FERMT1: variants seen among roughly 807,000 people sequenced by gnomAD.
The protein encoded by FERMT1 is fermitin family homolog 1.
Under a neutral mutation model 85.3 loss-of-function variants are expected in FERMT1, and 60 were observed. The observed-to-expected ratio is 0.70, with a 90% confidence interval of 0.57 to 0.87. The LOEUF (loss-of-function observed/expected upper bound fraction) is 0.87. FERMT1 is among the 40% of genes least tolerant of loss of function. The probability of loss-of-function intolerance (pLI) is 0.00; values close to 1 mark genes in which losing one functional copy is unlikely to be tolerated. For synonymous variants in FERMT1, 275 were observed against 301.1 expected, an observed-to-expected ratio of 0.91 and a Z score of 0.90; for missense variants, 701 against 818.9, an observed-to-expected ratio of 0.86 and a Z score of 1.76.
intron 6 of FERMT1, among the ~76,000 whole-genome samples, chr20:6,107,312 T>C (rs1982825969): frequency 6.6e-6 from 1 of 151,442 alleles, no homozygotes; most frequent in African/African-American, 2.4e-5. Flanking sequence ...GCAAAGATCC[T>C]CAGAGACTCC....
chr20:6,084,999 C>T (rs1480836895), intron 12 of FERMT1, 67 bp downstream of exon 12: 2 of 1,479,622 alleles, frequency 1.4e-6, no homozygotes, highest in East Asian at 4.5e-5. Context: ...AGCCGGAAAT[C>T]CTCCTTTTAT....
intron 6 of FERMT1, among the ~76,000 whole-genome samples, chr20:6,098,689 A>G (rs1412593994): frequency 1.3e-5 from 2 of 152,174 alleles, no homozygotes; most frequent in African/African-American, 2.4e-5. Flanking sequence ...ATTGAAACAA[A>G]AAATAACTTT....
At chr20:6,085,045 C>T (rs1483372846) in intron 12 of FERMT1, 21 bp downstream of exon 12, 1 of 1,587,910 alleles carries the variant, frequency 6.3e-7, no homozygotes, top group Non-Finnish European at 8.6e-7. Flanking sequence ...CAAACAATTG[C>T]CCTAACAAGA....
intron 11 of FERMT1, 43 bp downstream of exon 11, chr20:6,087,734 T>TA: frequency 2.8e-6 from 3 of 1,066,346 alleles, no homozygotes; most frequent in Non-Finnish European, 4.4e-6. Context: ...CTCTTAGGCT[T>TA]AGTGGAGGTG....
At chr20:6,083,657 C>CG (rs1205285078) in intron 13 of FERMT1, among the ~76,000 whole-genome samples, 2 of 108,724 alleles carry the variant, frequency 1.8e-5, no homozygotes, top group African/African-American at 4.3e-5. Flanking sequence ...AATGAGACAC[C>CG]CCCCCCCCCG....
intron 11 of FERMT1, 100 bp downstream of exon 11, chr20:6,087,677 A>T: frequency 1.3e-6 from 1 of 767,884 alleles, no homozygotes; most frequent in South Asian, 1.4e-5. Context: ...GCAATAGCTG[A>T]GTGACACAAT....
intron 4 of FERMT1, among the ~76,000 whole-genome samples, chr20:6,111,576 G>A (rs558132741): frequency 1.3e-5 from 2 of 152,248 alleles, no homozygotes; most frequent in African/African-American, 2.4e-5. Flanking sequence ...AGGCTGCAAT[G>A]AGCCGAGATT....
At position 6,076,887 on chromosome 20, in the gene FERMT1, C is replaced by T. The variant is rs1275123971; in HGVS notation, c.*286G>A. Reference sequence around the variant, plus strand: ...CTGGCAGGTTCTGCAAGTCAGAGAACTGTAACCACATGCTGGGCCTTAGAG... The same window carrying T: ...CTGGCAGGTTCTGCAAGTCAGAGAATTGTAACCACATGCTGGGCCTTAGAG... On this transcript the variant is annotated 3_prime_UTR_variant, in exon 15 of 15. Transcript: ENST00000217289. 3 of 490,220 alleles carry T rather than the reference C, an allele frequency of 6.1e-6. No individual in the cohort carries two copies. Among genetic ancestry groups the T allele is most frequent in the African/African-American group, 1.9e-5 (1 of 51,514 alleles). 30.4% of individuals were successfully genotyped at this position (490,220 alleles called of 1,614,324 possible).
chr20:6,083,693 T>TAA (rs11364895), intron 13 of FERMT1, among the ~76,000 whole-genome samples: 18 of 99,692 alleles, frequency 1.8e-4, no homozygotes, highest in Non-Finnish European at 3.2e-4. Context: ...CCCGATCTCT[T>TAA]AAAAAAAAAA....
intron 5 of FERMT1, among the ~76,000 whole-genome samples, chr20:6,109,194 A>G (rs1982876902): frequency 6.6e-6 from 1 of 152,220 alleles, no homozygotes; most frequent in Non-Finnish European, 1.5e-5. Flanking sequence ...GGGGGAGACC[A>G]AGCCTCAAAT....
chr20:6,106,929 G>A (rs1187204089), intron 6 of FERMT1, among the ~76,000 whole-genome samples: 1 of 152,124 alleles, frequency 6.6e-6, no homozygotes, highest in Non-Finnish European at 1.5e-5. Flanking sequence ...CAGATGCGAT[G>A]GCTCATGCCT....
intron 3 of FERMT1, among the ~76,000 whole-genome samples, chr20:6,114,598 A>C (rs1983048031): frequency 6.6e-6 from 1 of 152,214 alleles, no homozygotes; most frequent in Admixed American, 6.5e-5. Flanking sequence ...AGGTGTCCTC[A>C]TGCTTGCCAT....
At chr20:6,077,941 A>C (rs1981876801) in intron 14 of FERMT1, among the ~76,000 whole-genome samples, 1 of 152,146 alleles carries the variant, frequency 6.6e-6, no homozygotes, top group African/African-American at 2.4e-5. Flanking sequence ...CGGACCCCCA[A>C]AGTGTTGGGA....
At position 6,116,328 on chromosome 20, in the gene FERMT1, C is replaced by T. The variant is rs117110685; in HGVS notation, c.152-284G>A. The stretch of plus-strand genomic sequence containing the variant: ...GTACATGTATACGTATATAACACAC[C>T]TGCATGTTCTGCACATGTATCCCAG... On this transcript the variant is annotated intron_variant, in intron 2 of 14. Coordinates refer to ENST00000217289, the MANE Select transcript of FERMT1 (RefSeq NM_017671.5). 8.2e-4 allele frequency among the ~76,000 whole-genome samples: 124 copies of T among 151,960 alleles called. 1 individual carries two copies. The East Asian group carries it at 0.022, about 27-fold the overall frequency.
At chr20:6,108,655 CA>C (rs2123137831) in intron 5 of FERMT1, among the ~76,000 whole-genome samples, 1 of 152,048 alleles carries the variant, frequency 6.6e-6, no homozygotes, top group South Asian at 2.1e-4. Flanking sequence ...ACTAAAAACG[CA>C]AAAATTAGCC....
chr20:6,107,706 A>G, intron 5 of FERMT1, 72 bp from the exon 6 acceptor site: 2 of 752,944 alleles, frequency 2.7e-6, no homozygotes, highest in Non-Finnish European at 4.7e-6. Context: ...ATTATGTCAT[A>G]TATTATATAC....
At position 6,112,349 on chromosome 20, in the gene FERMT1, C is replaced by A. The variant is rs1276196159; in HGVS notation, c.532+128G>T. The A allele has an allele frequency of 1.1e-5, 10 of 917,842 alleles. No homozygotes were observed. The Admixed American group carries it at 1.4e-4, about 13-fold the overall frequency. 56.9% of individuals were successfully genotyped at this position (917,842 alleles called of 1,614,324 possible). On this transcript the variant is annotated intron_variant, in intron 4 of 14. Coordinates refer to ENST00000217289, the MANE Select transcript of FERMT1 (RefSeq NM_017671.5). ...GTTAATTCTAAACTTGACTAGATAG[C>A]CTTTCCTCATCACATCAGTTCTGCA...
chr20:6,085,865 G>A (rs1982167888), intron 11 of FERMT1, among the ~76,000 whole-genome samples: 1 of 150,562 alleles, frequency 6.6e-6, no homozygotes, highest in African/African-American at 2.4e-5. Context: ...AAAATACCAG[G>A]TGTGGTGGCT....
chr20:6,087,996 T>C (rs564869335), intron 10 of FERMT1, 113 bp from the exon 11 acceptor site: 1 of 727,128 alleles, frequency 1.4e-6, no homozygotes, highest in Non-Finnish European at 2.5e-6. Flanking sequence ...TTTGCTTTGG[T>C]TTTGAAAAAT....
Sources: gnomAD v4.1 joint callset for allele counts (sites outside exome capture counted in the v4.1 genomes callset) on GRCh38, gnomAD v4.1.1 for gene constraint, MANE v1.5 for transcripts, NCBI Gene and HGNC (gene_info 2026-07-23, HGNC 2026-07-21) for gene names.